The following URB2 variants were observed in gnomAD, a reference collection of about 807,000 sequenced individuals.
URB2 encodes URB2 ribosome biogenesis homolog, also known as unhealthy ribosome biogenesis protein 2 homolog.
Under a neutral mutation model 120.9 loss-of-function variants are expected in URB2, and 86 were observed. The observed-to-expected ratio is 0.71, with a 90% CI of 0.60 to 0.85. URB2 has a LOEUF of 0.85. URB2 is among the 40% of genes least tolerant of loss of function. The pLI, the probability that URB2 is intolerant of heterozygous loss-of-function variation, is 0.00. For synonymous variants in URB2, 755 were observed against 758.4 expected (o/e 1.00, Z 0.07); for missense variants, 1,765 against 1,836.5 (o/e 0.96, Z 0.71).
In URB2 at chr1:229,637,862, ACTGT is replaced by A. The variant is rs2102787288; in HGVS notation, c.3253_3256del (p.Glu1086CysfsTer96). The A allele has an allele frequency of 3.1e-6, 5 of 1,603,062 alleles. No homozygotes were observed. Among genetic ancestry groups the A allele is most frequent in the African/African-American group, 2.7e-5 (2 of 74,458 alleles). On this transcript the variant is annotated frameshift_variant, in exon 4 of 10. Coordinates refer to ENST00000258243, the MANE Select transcript of URB2 (RefSeq NM_014777.4). LOFTEE classifies it high-confidence loss of function. ...AGCTGGGCCAAGAGGCCCCAGCAGC[ACTGT>A]CTGAGCTGCTGCAGCAGGTTGTGCT...
chr1:229,629,915 T>G (rs1665618722), intron 2 of URB2, among the ~76,000 whole-genome samples: 1 of 152,218 alleles, frequency 6.6e-6, no homozygotes, highest in Non-Finnish European at 1.5e-5. Context: ...TCACCAGGAG[T>G]AGATTCCATC....
At chr1:229,651,343 A>G in intron 8 of URB2, 21 bp downstream of exon 8, 1 of 1,601,926 alleles carries the variant, frequency 6.2e-7, no homozygotes, top group Non-Finnish European at 8.5e-7. Context: ...GTAACATCAG[A>G]CACAGTTTCA....
Position 229,636,682 on chromosome 1 carries a change from G to A in URB2, c.2069G>A (p.Ser690Asn). The change falls in exon 4 of 10, where the codon AGT (serine) becomes AAT (asparagine). Residue 690 changes from serine to asparagine, a missense_variant. By Grantham distance (46) the Ser-to-Asn change is conservative. Coordinates refer to ENST00000258243, the MANE Select transcript of URB2 (RefSeq NM_014777.4). ...ATGAAAAGGACTTTAATGCAAACTA[G>A]TTTCCGGTCTGAAGGAGCCATCCAA... The part of the protein sequence containing the change: ...QKMKRTLMQT[S>N]FRSEGAIQSL... 6.2e-7 allele frequency: 1 copy of A among 1,614,210 alleles called. No individual in the cohort carries two copies. The highest frequency in any genetic ancestry group is 8.5e-7 in the Non-Finnish European group (1 of 1,180,042).
chr1:229,635,163 C>T lies in URB2; in HGVS notation c.550C>T (p.Leu184=), dbSNP rs1665763223. 3.1e-6 allele frequency: 5 copies of T among 1,614,210 alleles called. No homozygotes were observed. The highest frequency in any genetic ancestry group is 4.2e-6 in the Non-Finnish European group (5 of 1,180,050). ...GGCCCTTGGCCATTATCTCTTGATC[C>T]TGCAGCAGCAGGTCAACCCAAGACG... ...HLALGHYLLI[L]QQQVNPRRAF... is the part of the protein sequence containing the mutation. Residue 184 remains leucine, a synonymous_variant, in exon 4 of 10, where the codon CTG becomes TTG. Coordinates refer to ENST00000258243, the MANE Select transcript of URB2 (RefSeq NM_014777.4).
Position 229,632,437 on chromosome 1 carries a change from C to A in URB2, c.295C>A (p.Leu99Ile). 1 of 1,557,596 alleles carries A rather than the reference C, an allele frequency of 6.4e-7. No homozygotes were observed. Among genetic ancestry groups the A allele is most frequent in the South Asian group, 1.3e-5 (1 of 78,370 alleles). ...AAAGACCATTAATCTTCAGATTTCC[C>A]TAGTCAAGGTAATTCACTTTTCTGT... is the stretch of plus-strand genomic sequence containing the variant. ...NGKTINLQIS[L>I]VKIINERVAE... Residue 99 changes from leucine to isoleucine, a missense_variant, in exon 3 of 10, where the codon CTA becomes ATA. Physicochemically the swap from Leu to Ile is conservative, Grantham distance 5. Transcript: ENST00000258243.
chr1:229,635,580 C>T lies in URB2; in HGVS notation c.967C>T (p.Leu323Phe), dbSNP rs772337257. 6.2e-7 allele frequency: 1 copy of T among 1,614,128 alleles called. No individual in the cohort carries two copies. The highest frequency in any genetic ancestry group is 2.2e-5 in the East Asian group (1 of 44,886). The change falls in exon 4 of 10, where the codon CTC (leucine) becomes TTC (phenylalanine). Residue 323 changes from leucine (L) to phenylalanine (F), a missense_variant. Physicochemically the swap from Leu to Phe is conservative, Grantham distance 22. Coordinates refer to ENST00000258243, the MANE Select transcript of URB2 (RefSeq NM_014777.4). ...TTACTTTAAGGAGGGAAACCAGCTTCTCTGCTTCCAGGTTCTCCCCAGGTT... is the reference window on the plus strand; with the variant it reads ...TTACTTTAAGGAGGGAAACCAGCTTTTCTGCTTCCAGGTTCTCCCCAGGTT... Reference protein sequence around the residue: ...DSYFKEGNQLLCFQVLPRLFG... With the variant: ...DSYFKEGNQLFCFQVLPRLFG...
At chr1:229,647,828 G>C (rs1666189624) in intron 7 of URB2, 76 bp downstream of exon 7, 1 of 1,534,920 alleles carries the variant, frequency 6.5e-7, no homozygotes, top group African/African-American at 1.4e-5. Context: ...AAAAGTGGCA[G>C]CAAAACTTTA....
rs1666268652 is a variant in URB2, at chr1:229,651,332, A to G, written c.4237+10A>G. ...CGGCAGAAGGACAAAGGTAATTTGG[A>G]GTAACATCAGACACAGTTTCAAATA... On this transcript the variant is annotated intron_variant, in intron 8 of 9. Transcript: ENST00000258243. 1 of 1,608,936 alleles carries G rather than the reference A, an allele frequency of 6.2e-7. No individual in the cohort carries two copies. The highest frequency in any genetic ancestry group is 8.5e-7 in the Non-Finnish European group (1 of 1,177,614).
chr1:229,634,987 G>T lies in URB2; in HGVS notation c.374G>T (p.Cys125Phe), dbSNP rs1028518204. Reference sequence around the variant, plus strand: ...AGAAACATCTGTGCTGTCCTTCGATGTTGCCAGGGCATCCTGTCGACACCT... The same window carrying T: ...AGAAACATCTGTGCTGTCCTTCGATTTTGCCAGGGCATCCTGTCGACACCT... ...SQRNICAVLR[C>F]CQGILSTPAL... The change falls in exon 4 of 10, where the codon TGT becomes TTT. Residue 125 changes from cysteine (C) to phenylalanine (F), a missense_variant. By Grantham distance (205) the Cys-to-Phe change is radical. Coordinates refer to ENST00000258243, the MANE Select transcript of URB2 (RefSeq NM_014777.4). 1 of 1,600,180 alleles carries T rather than the reference G, an allele frequency of 6.2e-7. No homozygotes were observed. Among genetic ancestry groups the T allele is most frequent in the African/African-American group, 1.3e-5 (1 of 74,408 alleles).
intron 4 of URB2, among the ~76,000 whole-genome samples, chr1:229,641,595 G>A (rs1666013002): frequency 6.6e-6 from 1 of 152,192 alleles, no homozygotes; most frequent in African/African-American, 2.4e-5. Context: ...AGTGTGAAGA[G>A]GCGCCGTGCA....
rs372899890 is a variant in URB2 at position 229,636,213 on chromosome 1, G to A, written c.1600G>A (p.Asp534Asn). Residue 534 changes from aspartate (D) to asparagine (N), a missense_variant, in exon 4 of 10, where the codon GAC (aspartate) becomes AAC (asparagine). Coordinates refer to ENST00000258243, the MANE Select transcript of URB2 (RefSeq NM_014777.4). ...CTTGCCCTATTTGCAGAGTGATGCC[G>A]ACATGGCCCTGAAATCACTGTCACT... ...LVLPYLQSDA[D>N]MALKSLSLSL... 34 of 1,613,064 alleles carry A rather than the reference G, an allele frequency of 2.1e-5. No homozygotes were observed. Among genetic ancestry groups the A allele is most frequent in the Middle Eastern group, 1.7e-4 (1 of 6,054 alleles).
chr1:229,638,035 A>G lies in URB2; in HGVS notation c.3422A>G (p.Gln1141Arg), dbSNP rs904016280. The G allele has an allele frequency of 6.2e-7, 1 of 1,613,286 alleles. No individual in the cohort carries two copies. Among genetic ancestry groups the G allele is most frequent in the Non-Finnish European group, 8.5e-7 (1 of 1,179,504 alleles). ...AGGGATGGAGGGGCCGACATTTCCC[A>G]AGGAAGCGACAGGACGCTGCTCTCC... ...HCRDGGADIS[Q>R]GSDRTLLSHV... is the part of the protein sequence containing the mutation. The change falls in exon 4 of 10, where the codon CAA becomes CGA. Residue 1141 changes from glutamine (Q) to arginine (R), a missense_variant. Physicochemically the swap from Gln to Arg is conservative, Grantham distance 43. Coordinates refer to ENST00000258243, the MANE Select transcript of URB2 (RefSeq NM_014777.4).
In URB2 at chr1:229,659,312, A is replaced by C; in HGVS notation, c.*15A>C. ...ATACGGCCTAAGGCTATGGGACAGA[A>C]GTGCCGCCAGTGACACTGTCCAGAG... On this transcript the variant is annotated 3_prime_UTR_variant, in exon 10 of 10. Transcript: ENST00000258243. 1.2e-6 allele frequency: 2 copies of C among 1,612,588 alleles called. No homozygotes were observed. The highest frequency in any genetic ancestry group is 1.7e-6 in the Non-Finnish European group (2 of 1,179,142).
Position 229,636,263 on chromosome 1 carries a change from G to A in URB2, c.1650G>A (p.Met550Ile). The A allele has an allele frequency of 6.2e-7, 1 of 1,614,044 alleles. No homozygotes were observed. The highest frequency in any genetic ancestry group is 8.5e-7 in the Non-Finnish European group (1 of 1,179,924). ...LSLSLLLHCIMFNMRSLDSST... is the reference protein window; with the variant it reads ...LSLSLLLHCIIFNMRSLDSST... The stretch of plus-strand genomic sequence containing the variant: ...TGAGCTTGCTGCTGCACTGCATCAT[G>A]TTCAACATGAGGAGCCTGGACAGCA... The change falls in exon 4 of 10, where the codon ATG becomes ATA. Residue 550 changes from methionine (M) to isoleucine (I), a missense_variant. Transcript: ENST00000258243.
chr1:229,638,645 CAA>C (rs79757347), intron 4 of URB2, among the ~76,000 whole-genome samples: 8 of 135,816 alleles, frequency 5.9e-5, no homozygotes, highest in Non-Finnish European at 4.9e-5. Flanking sequence ...GAGTCTGTCT[CAA>C]AAAAAAAAAA....
At chr1:229,631,109 A>C (rs1571866479) in intron 2 of URB2, among the ~76,000 whole-genome samples, 1 of 151,884 alleles carries the variant, frequency 6.6e-6, no homozygotes, top group African/African-American at 2.4e-5. Context: ...TCGACCTTCT[A>C]CATAACTTCA....
Position 229,637,898 on chromosome 1 carries a change from A to G in URB2, c.3285A>G (p.Thr1095=). The change falls in exon 4 of 10, where the codon ACA becomes ACG. Residue 1095 remains threonine, a synonymous_variant. Transcript: ENST00000258243. ...TGCTGCAGCAGGTTGTGCTGCAGAC[A>G]GGAGCTGTGCTGCAGCTCTGCTCAG... ...SELLQQVVLQ[T]GAVLQLCSVP... The G allele has an allele frequency of 2.5e-6, 4 of 1,604,148 alleles. No individual in the cohort carries two copies. The Admixed American group carries it at 6.9e-5, about 28-fold the overall frequency.
chr1:229,643,398 A>G, intron 4 of URB2, 135 bp from the exon 5 acceptor site: 1 of 944,244 alleles, frequency 1.1e-6, no homozygotes, highest in Non-Finnish European at 1.6e-6. Flanking sequence ...TTTTTCCACC[A>G]GTGCTTATAT....
rs1283165333 is a variant in URB2, at chr1:229,638,256, T to G, written c.3634+9T>G. 1 of 1,579,294 alleles carries G rather than the reference T, an allele frequency of 6.3e-7. No individual in the cohort carries two copies. The highest frequency in any genetic ancestry group is 1.8e-5 in the Admixed American group (1 of 55,346). ...GAGAAGAGTTCTTGCAGGTAAGATA[T>G]TTTCTCTTGAGCTAATTCTGTGTTA... On this transcript the variant is annotated intron_variant, in intron 4 of 9. Coordinates refer to ENST00000258243, the MANE Select transcript of URB2 (RefSeq NM_014777.4).
Sources: allele counts gnomAD v4.1 joint callset (sites outside exome capture counted in the v4.1 genomes callset), GRCh38; gene constraint gnomAD v4.1.1; transcripts MANE v1.5; gene names NCBI Gene and HGNC (gene_info 2026-07-23, HGNC 2026-07-21).